Variants in IDH2 observed in about 807,000 individuals in gnomAD.
The protein encoded by IDH2 is isocitrate dehydrogenase [NADP], mitochondrial.
Under a neutral mutation model 50.5 loss-of-function variants are expected in IDH2, and 18 were observed. The ratio of observed to expected loss-of-function variants is 0.36; its 90% CI spans 0.25 to 0.53. The LOEUF (loss-of-function observed/expected upper bound fraction) is 0.53. Among genes scored for constraint, IDH2 ranks in the 20% least tolerant of loss-of-function variants. The probability of loss-of-function intolerance (pLI) is 0.92; values close to 1 mark genes in which losing one functional copy is unlikely to be tolerated. For missense variants in IDH2, 518 were observed against 610.7 expected (o/e 0.85, Z 1.60); for synonymous variants, 280 against 239.8 (o/e 1.17, Z -1.55).
In IDH2 at chr15:90,083,860, C is replaced by T. The variant is rs1317761005; in HGVS notation, c.*406G>A. 3 of 308,594 alleles carry T rather than the reference C, an allele frequency of 9.7e-6. 1 individual carries two copies. Among genetic ancestry groups the T allele is most frequent in the South Asian group, 9.4e-5 (2 of 21,300 alleles). 19.1% of individuals were successfully genotyped at this position (308,594 alleles called of 1,614,324 possible). A position where few individuals can be genotyped will look rare whatever the true frequency, so the allele number is the denominator to read the frequency against. ...CAGGGCTGCCTGGTCCCTTCCCTGCCGTGGCAGCCCCTTCCTGAGGTGCTC... is the reference window on the plus strand; with the variant it reads ...CAGGGCTGCCTGGTCCCTTCCCTGCTGTGGCAGCCCCTTCCTGAGGTGCTC... On this transcript the variant is annotated 3_prime_UTR_variant, in exon 11 of 11. Transcript: ENST00000330062.
At chr15:90,088,887 T>C (rs1041953378) in intron 3 of IDH2, 140 bp from the exon 4 acceptor site, 44 of 753,004 alleles carry the variant, frequency 5.8e-5, no homozygotes, top group South Asian at 3.2e-4. Flanking sequence ...TGCAAATGTG[T>C]GGGCTCTGGA....
At chr15:90,091,261 A>C (rs1195075850) in intron 2 of IDH2, among the ~76,000 whole-genome samples, 1 of 152,226 alleles carries the variant, frequency 6.6e-6, no homozygotes, top group African/African-American at 2.4e-5. Context: ...TAGGGGATCA[A>C]GATGGAAATG....
In IDH2 at chr15:90,083,614, T is replaced by A. The variant is rs1487487456; in HGVS notation, c.*652A>T. The A allele has an allele frequency of 1.3e-5, 2 of 155,672 alleles. No individual in the cohort carries two copies. Among genetic ancestry groups the A allele is most frequent in the African/African-American group, 2.4e-5 (1 of 41,440 alleles). 9.6% of individuals were successfully genotyped at this position (155,672 alleles called of 1,614,324 possible). ...AGGCAGGTGTGGGTAGGACCTCTTTTTAGTACCTAGAAAAAGGCTAAGAAA... is the reference window on the plus strand; with the variant it reads ...AGGCAGGTGTGGGTAGGACCTCTTTATAGTACCTAGAAAAAGGCTAAGAAA... On this transcript the variant is annotated 3_prime_UTR_variant, in exon 11 of 11. Transcript: ENST00000330062.
At chr15:90,092,449 A>G (rs1901067296) in intron 1 of IDH2, among the ~76,000 whole-genome samples, 4 of 149,600 alleles carry the variant, frequency 2.7e-5, no homozygotes, top group African/African-American at 9.9e-5. Context: ...TCCATTGGTC[A>G]GGCTGGAATG....
intron 1 of IDH2, among the ~76,000 whole-genome samples, chr15:90,101,207 G>T (rs1596082497): frequency 6.6e-6 from 1 of 152,018 alleles, no homozygotes; most frequent in Non-Finnish European, 1.5e-5. Context: ...CCACAATCCG[G>T]TTAACCATTA....
At chr15:90,101,813 T>G (rs1339743776) in intron 1 of IDH2, among the ~76,000 whole-genome samples, 1 of 150,868 alleles carries the variant, frequency 6.6e-6, no homozygotes, top group African/African-American at 2.4e-5. Context: ...GAAGGGGAAG[T>G]GCATGTCTCC....
chr15:90,084,735 T>G lies in IDH2; in HGVS notation c.1271+81A>C. The G allele has an allele frequency of 8.7e-7, 1 of 1,146,686 alleles. No individual in the cohort carries two copies. The highest frequency in any genetic ancestry group is 1.3e-6 in the Non-Finnish European group (1 of 763,784). 71.0% of individuals were successfully genotyped at this position (1,146,686 alleles called of 1,614,324 possible). On this transcript the variant is annotated intron_variant, in intron 10 of 10. Transcript: ENST00000330062. The surrounding 1 kb of genome is among the most constrained non-coding windows in gnomAD (Gnocchi z 5.0). The stretch of plus-strand genomic sequence containing the variant: ...CAGGCCCCCTTGCAGCTAAGCTGAC[T>G]CATGAGGGGGACTTTAGGAGGGGTC...
chr15:90,088,386 C>T lies in IDH2; in HGVS notation c.651G>A (p.Val217=). 6.2e-7 allele frequency: 1 copy of T among 1,614,100 alleles called. No individual in the cohort carries two copies. The highest frequency in any genetic ancestry group is 8.5e-7 in the Non-Finnish European group (1 of 1,180,048). ...WEVYNFPAGG[V]GMGMYNTDES... The stretch of plus-strand genomic sequence containing the variant: ...CGTCGGTGTTGTACATGCCCATGCC[C>T]ACGCCGCCTGCGGGGAAGTTGTACA... The change falls in exon 5 of 11, where the codon GTG becomes GTA. Residue 217 remains valine (V), a synonymous_variant. Coordinates refer to ENST00000330062, the MANE Select transcript of IDH2 (RefSeq NM_002168.4).
chr15:90,088,669 G>T lies in IDH2; in HGVS notation c.452C>A (p.Pro151His), dbSNP rs1900941842. The T allele has an allele frequency of 6.2e-7, 1 of 1,614,122 alleles. No homozygotes were observed. Among genetic ancestry groups the T allele is most frequent in the Non-Finnish European group, 8.5e-7 (1 of 1,180,026 alleles). Residue 151 changes from proline (P) to histidine (H), a missense_variant, in exon 4 of 11, where the codon CCC becomes CAC. Coordinates refer to ENST00000330062, the MANE Select transcript of IDH2 (RefSeq NM_002168.4). ...NILGGTVFRE[P>H]IICKNIPRLV... is the part of the protein sequence containing the mutation. ...GCGTGGGATGTTTTTGCAGATGATGGGCTCCCGGAAGACAGTCCCCCCCAG... is the reference window on the plus strand; with the variant it reads ...GCGTGGGATGTTTTTGCAGATGATGTGCTCCCGGAAGACAGTCCCCCCCAG...
At chr15:90,093,391 T>C (rs1020035823) in intron 1 of IDH2, among the ~76,000 whole-genome samples, 6 of 152,184 alleles carry the variant, frequency 3.9e-5, no homozygotes, top group African/African-American at 1.4e-4. Flanking sequence ...GTGTAGCTCA[T>C]AATAAAATCC....
rs1901292690 is a variant in IDH2 at position 90,100,212 on chromosome 15, A to ACCC, written c.115+2063_115+2064insGGG. On this transcript the variant is annotated intron_variant, in intron 1 of 10. Transcript: ENST00000330062. The surrounding 1 kb of genome is among the most constrained non-coding windows in gnomAD (Gnocchi z 4.1). ...CTGCTGGTATTTTTAACATGGGTTT[A>ACCC]CAGAGTATAAACCCCAGGGAAGGCC... 6.6e-6 allele frequency among the ~76,000 whole-genome samples: 1 copy of ACCC among 152,212 alleles called. No individual in the cohort carries two copies. The highest frequency in any genetic ancestry group is 6.5e-5 in the Admixed American group (1 of 15,276).
In IDH2 at chr15:90,098,382, C is replaced by A. The variant is rs928357667; in HGVS notation, c.115+3894G>T. ...CAGGCATAACTGCTCCCTCCACATT[C>A]CTACCCATGCTCTCAGCAGAAAGGC... On this transcript the variant is annotated intron_variant, in intron 1 of 10. Coordinates refer to ENST00000330062, the MANE Select transcript of IDH2 (RefSeq NM_002168.4). The surrounding 1 kb of genome is among the most constrained non-coding windows in gnomAD (Gnocchi z 5.1). Among the ~76,000 whole-genome samples, 1 of 152,220 alleles carries A rather than the reference C, an allele frequency of 6.6e-6. No homozygotes were observed. The highest frequency in any genetic ancestry group is 2.4e-5 in the African/African-American group (1 of 41,436).
In IDH2 at chr15:90,098,569, G is replaced by C. The variant is rs940384283; in HGVS notation, c.115+3707C>G. ...ATGTATGTATGTATGTATTGAGACA[G>C]AGTCTCACTCTGTCGCCTACACTGG... On this transcript the variant is annotated intron_variant, in intron 1 of 10. Transcript: ENST00000330062. The surrounding 1 kb of genome is among the most constrained non-coding windows in gnomAD (Gnocchi z 5.1). 3.8e-5 allele frequency among the ~76,000 whole-genome samples: 2 copies of C among 52,918 alleles called. No individual in the cohort carries two copies. The highest frequency in any genetic ancestry group is 5.5e-5 in the Non-Finnish European group (1 of 18,138). The allele number at this position is 52,918 out of a possible 152,430, so 34.7% of individuals were successfully genotyped here. A position where few individuals can be genotyped will look rare whatever the true frequency, so the allele number is the denominator to read the frequency against.
Position 90,083,121 on chromosome 15 carries a change from T to TTTTC in IDH2, c.*1144_*1145insGAAA, listed in dbSNP as rs1308896996. 2 of 88,270 alleles carry TTTTC rather than the reference T, an allele frequency of 2.3e-5. No individual in the cohort carries two copies. The highest frequency in any genetic ancestry group is 3.9e-4 in the South Asian group (1 of 2,532). 5.5% of individuals were successfully genotyped at this position (88,270 alleles called of 1,614,324 possible). ...GGCTAAAAAACTTGCATAGAGCAAT[T>TTTTC]TTTTTTTTTTTTTTTTTTTTTTTTT... On this transcript the variant is annotated 3_prime_UTR_variant, in exon 11 of 11. Transcript: ENST00000330062.
At chr15:90,096,044 C>T (rs980568220) in intron 1 of IDH2, among the ~76,000 whole-genome samples, 5 of 152,202 alleles carry the variant, frequency 3.3e-5, no homozygotes, top group Non-Finnish European at 7.3e-5. Flanking sequence ...TGCCTGTAAT[C>T]CCAGCACTTT....
rs1555462223 is a variant in IDH2, at chr15:90,098,511, T to TATGTATGTATGTATGTATGTATGCATGC, written c.115+3764_115+3765insGCATGCATACATACATACATACATACAT. ...AGCAACTTTGTATATTTTATGTATG[T>TATGTATGTATGTATGTATGTATGCATGC]ATGTATGTATGTATGCATGCATGTA... On this transcript the variant is annotated intron_variant, in intron 1 of 10. Transcript: ENST00000330062. This position sits in a 1 kb window ranked among gnomAD's most constrained non-coding sequence, Gnocchi z 5.1. 6.4e-5 allele frequency among the ~76,000 whole-genome samples: 9 copies of TATGTATGTATGTATGTATGTATGCATGC among 139,758 alleles called. No individual in the cohort carries two copies. Among genetic ancestry groups the TATGTATGTATGTATGTATGTATGCATGC allele is most frequent in the Admixed American group, 1.5e-4 (2 of 13,756 alleles). 91.7% of individuals were successfully genotyped at this position (139,758 alleles called of 152,430 possible).
intron 3 of IDH2, among the ~76,000 whole-genome samples, chr15:90,090,159 A>G (rs1252252446): frequency 1.3e-5 from 2 of 152,048 alleles, no homozygotes; most frequent in Non-Finnish European, 2.9e-5. Flanking sequence ...AAGCAGAAAC[A>G]CCACTGGCCT....
At chr15:90,087,686 C>A in intron 5 of IDH2, 111 bp from the exon 6 acceptor site, 1 of 1,251,616 alleles carries the variant, frequency 8.0e-7, no homozygotes, top group Non-Finnish European at 1.2e-6. Flanking sequence ...CCCCGCCGCC[C>A]ACGCGACTGT....
chr15:90,091,363 C>CTGA (rs1901030426), intron 2 of IDH2, among the ~76,000 whole-genome samples, 190 bp downstream of exon 2: 1 of 152,240 alleles, frequency 6.6e-6, no homozygotes, highest in African/African-American at 2.4e-5. Context: ...AGGCCCCCGC[C>CTGA]TGACGACTTC....
Sources: allele counts gnomAD v4.1 joint callset (sites outside exome capture counted in the v4.1 genomes callset), GRCh38; gene constraint gnomAD v4.1.1; non-coding constraint Gnocchi (gnomAD v3.1); transcripts MANE v1.5; gene names NCBI Gene and HGNC (gene_info 2026-07-23, HGNC 2026-07-21).